Variants in PCDHGA5 observed in about 807,000 individuals in gnomAD.
PCDHGA5 encodes protocadherin gamma subfamily A, 5.
PCDHGA5 carries 36 observed loss-of-function variants against 56.7 expected under a neutral mutation model. That is an observed-to-expected ratio of 0.64 (90% CI 0.49 to 0.84). PCDHGA5 has a LOEUF of 0.84. Ranked by LOEUF, PCDHGA5 falls within the 40% of genes least tolerant of loss-of-function variation. PCDHGA5 has a pLI of 0.00. For missense variants in PCDHGA5, 1,305 were observed against 1,201.5 expected, an observed-to-expected ratio of 1.09 and a Z score of -1.27; for synonymous variants, 563 against 520.2, an observed-to-expected ratio of 1.08 and a Z score of -1.12.
chr5:141,454,142 C>T (rs2098782408), intron 1 of PCDHGA5, among the ~76,000 whole-genome samples: 1 of 152,222 alleles, frequency 6.6e-6, no homozygotes, highest in Non-Finnish European at 1.5e-5. Context: ...GGAATGTTCA[C>T]ACTGCTACTT....
At chr5:141,504,709 C>G (rs11743102) in intron 2 of PCDHGA5, among the ~76,000 whole-genome samples, 29,287 of 151,306 alleles carry the variant, frequency 0.19, 2,876 homozygotes, top group Middle Eastern at 0.24. Context: ...CTTCTATGGC[C>G]GTGGATTTTA....
chr5:141,456,888 G>A (rs376401806), intron 1 of PCDHGA5, among the ~76,000 whole-genome samples: 5 of 152,118 alleles, frequency 3.3e-5, no homozygotes, highest in Admixed American at 1.3e-4. Context: ...GCTTGAACCC[G>A]GGAGGCAGAG....
intron 1 of PCDHGA5, among the ~76,000 whole-genome samples, chr5:141,369,377 G>T (rs1257760111): frequency 6.6e-6 from 1 of 152,152 alleles, no homozygotes; most frequent in Non-Finnish European, 1.5e-5. Flanking sequence ...CTTTGTAAAA[G>T]TTTTTCATTT....
chr5:141,457,480 G>A lies in PCDHGA5; in HGVS notation c.2422-37327G>A, dbSNP rs566798464. ...GATTCACAGGAATAAGCAGGGCCAGGGTTAGTCTAAAATGTAGGCAAAAAG... is the reference window on the plus strand; with the variant it reads ...GATTCACAGGAATAAGCAGGGCCAGAGTTAGTCTAAAATGTAGGCAAAAAG... On this transcript the variant is annotated intron_variant, in intron 1 of 3. Transcript: ENST00000518069. 2.0e-5 allele frequency among the ~76,000 whole-genome samples: 3 copies of A among 152,266 alleles called. No individual in the cohort carries two copies. In the South Asian group the frequency reaches 6.2e-4, roughly 32 times the overall value.
intron 1 of PCDHGA5, among the ~76,000 whole-genome samples, chr5:141,437,486 G>A (rs530079212): frequency 2.6e-5 from 4 of 152,224 alleles, no homozygotes; most frequent in South Asian, 2.1e-4. Flanking sequence ...ATTTAATCTC[G>A]TAGATCACTT....
intron 1 of PCDHGA5, chr5:141,394,562 G>A (rs1381162611): frequency 2.5e-6 from 4 of 1,614,088 alleles, no homozygotes; most frequent in Admixed American, 3.3e-5. Flanking sequence ...GCTCCGCAGA[G>A]CGTGGCTACC....
chr5:141,428,043 A>C (rs765740380), intron 1 of PCDHGA5: 1 of 1,608,722 alleles, frequency 6.2e-7, no homozygotes, highest in South Asian at 1.1e-5. Context: ...CTACCTGGTG[A>C]CCAAGGTGGT....
intron 1 of PCDHGA5, chr5:141,395,116 T>C (rs1255512461): frequency 1.9e-6 from 3 of 1,614,216 alleles, no homozygotes; most frequent in Admixed American, 3.3e-5. Context: ...AAGAGTCACC[T>C]GATCTTTCCC....
rs201458212 is a variant in PCDHGA5 at position 141,487,439 on chromosome 5, T to A, written c.2422-7368T>A. On this transcript the variant is annotated intron_variant, in intron 1 of 3. Coordinates refer to ENST00000518069, the MANE Select transcript of PCDHGA5 (RefSeq NM_018918.3). The surrounding 1 kb of genome is among the most constrained non-coding windows in gnomAD (Gnocchi z 5.0). ...TGGGATCCTCCGAATCCAGCTAGGG[T>A]CAGATGACCCTATCAAGTTTGTTGA... The A allele has an allele frequency of 1.5e-4, 242 of 1,613,808 alleles. No individual in the cohort carries two copies. Among genetic ancestry groups the A allele is most frequent in the Non-Finnish European group, 1.9e-4 (230 of 1,179,978 alleles).
intron 1 of PCDHGA5, among the ~76,000 whole-genome samples, chr5:141,425,915 C>G (rs537499239): frequency 1.3e-5 from 2 of 152,336 alleles, no homozygotes; most frequent in East Asian, 3.9e-4. Context: ...AAAACAGTCA[C>G]TACGAAAACT....
intron 1 of PCDHGA5, among the ~76,000 whole-genome samples, chr5:141,387,464 C>T (rs2240699): frequency 0.55 from 83,096 of 152,122 alleles, 25,275 homozygotes; most frequent in African/African-American, 0.83. Context: ...CCTAAAAATC[C>T]TCAAAGTTGG....
Position 141,371,428 on chromosome 5 carries a change from C to T in PCDHGA5, c.2421+4677C>T, listed in dbSNP as rs763264073. On this transcript the variant is annotated intron_variant, in intron 1 of 3. Coordinates refer to ENST00000518069, the MANE Select transcript of PCDHGA5 (RefSeq NM_018918.3). ...ATTTCAGATGAAAATGACAATGCCCCGGAGATAACCCTGGCTTCTGAATCC... is the reference window on the plus strand; with the variant it reads ...ATTTCAGATGAAAATGACAATGCCCTGGAGATAACCCTGGCTTCTGAATCC... 3.7e-6 allele frequency: 6 copies of T among 1,613,772 alleles called. No individual in the cohort carries two copies. The African/African-American group carries it at 5.3e-5, about 14-fold the overall frequency.
rs202065305 is a variant in PCDHGA5 at position 141,410,175 on chromosome 5, C to A, written c.2421+43424C>A. 1.1e-5 allele frequency: 17 copies of A among 1,613,752 alleles called. No homozygotes were observed. In the African/African-American group the frequency reaches 2.1e-4, roughly 20 times the overall value. ...GGACAGCCGCCACTCTCTGCCACCG[C>A]CACGCTTCATCTGGTCTTCGCAGAC... On this transcript the variant is annotated intron_variant, in intron 1 of 3. Transcript: ENST00000518069.
chr5:141,422,699 C>G (rs765368737), intron 1 of PCDHGA5: 2 of 1,603,420 alleles, frequency 1.2e-6, no homozygotes, highest in South Asian at 1.1e-5. Context: ...GTCACTTACT[C>G]TCTGACGGAT....
At chr5:141,385,424 C>T in intron 1 of PCDHGA5, 2 of 1,461,926 alleles carry the variant, frequency 1.4e-6, no homozygotes, top group Non-Finnish European at 1.8e-6. Context: ...ATTTAAAAAA[C>T]TTTATAGAGG....
intron 2 of PCDHGA5, among the ~76,000 whole-genome samples, chr5:141,496,279 G>C (rs902362885): frequency 1.3e-5 from 2 of 152,198 alleles, no homozygotes; most frequent in Non-Finnish European, 2.9e-5. Context: ...ACCTTCAGTT[G>C]GTCTGAGCAG....
intron 1 of PCDHGA5, chr5:141,408,227 C>G (rs771279344): frequency 1.9e-6 from 3 of 1,562,978 alleles, no homozygotes; most frequent in East Asian, 2.4e-5. Context: ...CGCGCAGAGG[C>G]GCCGGGCCGG....
intron 1 of PCDHGA5, chr5:141,392,828 G>T: frequency 6.2e-7 from 1 of 1,604,008 alleles, no homozygotes; most frequent in Non-Finnish European, 8.5e-7. Context: ...CCGCTCCACA[G>T]AGTCGCCCCA....
At chr5:141,384,974 AC>A (rs1780722542) in intron 1 of PCDHGA5, 1 of 1,613,712 alleles carries the variant, frequency 6.2e-7, no homozygotes, top group Non-Finnish European at 8.5e-7. Context: ...CTCACGTTGT[AC>A]CTGGTGGTGG....
Sources: gnomAD v4.1 joint callset for allele counts (sites outside exome capture counted in the v4.1 genomes callset) on GRCh38, gnomAD v4.1.1 for gene constraint, Gnocchi (gnomAD v3.1) non-coding constraint, MANE v1.5 for transcripts, NCBI Gene and HGNC (gene_info 2026-07-23, HGNC 2026-07-21) for gene names.